The following DYNC2H1 variants were observed in gnomAD, a reference collection of about 807,000 sequenced individuals.
DYNC2H1 encodes the protein dynein cytoplasmic 2 heavy chain 1.
DYNC2H1 carries 410 observed loss-of-function variants against 570.0 expected under a neutral mutation model. The ratio of observed to expected loss-of-function variants is 0.72; its 90% CI spans 0.66 to 0.78. The LOEUF is 0.78. Among genes scored for constraint, DYNC2H1 ranks in the 30% least tolerant of loss-of-function variants. DYNC2H1 has a pLI of 0.00. For missense variants in DYNC2H1, 4,865 were observed against 5,046.4 expected (o/e 0.96, Z 1.09); for synonymous variants, 1,688 against 1,677.6 (o/e 1.01, Z -0.15).
intron 82 of DYNC2H1, among the ~76,000 whole-genome samples, chr11:103,339,236 T>C (rs1939314304): frequency 6.6e-6 from 1 of 152,036 alleles, no homozygotes. Flanking sequence ...TGCAGTCCTG[T>C]GGTCGGCACA....
intron 75 of DYNC2H1, among the ~76,000 whole-genome samples, chr11:103,298,760 A>T (rs1365425877): frequency 6.6e-6 from 1 of 152,080 alleles, no homozygotes; most frequent in Non-Finnish European, 1.5e-5. Context: ...TTTAAATGTA[A>T]TTTCTCAAGC....
rs1224833390 is a variant in DYNC2H1 at position 103,479,491 on chromosome 11, G to C, written c.*238G>C. On this transcript the variant is annotated 3_prime_UTR_variant, in exon 89 of 89. Coordinates refer to ENST00000375735, the MANE Select transcript of DYNC2H1 (RefSeq NM_001377.3). The stretch of plus-strand genomic sequence containing the variant: ...TCTTTTGACAACATTAAATATTTCT[G>C]TGAGAAAGTTCACTTTTCCAGTGGC... The C allele has an allele frequency of 2.8e-6, 1 of 362,496 alleles. No individual in the cohort carries two copies. The highest frequency in any genetic ancestry group is 4.5e-6 in the Non-Finnish European group (1 of 222,048). 22.5% of individuals were successfully genotyped at this position (362,496 alleles called of 1,614,324 possible).
rs368052358 is a variant in DYNC2H1 at position 103,156,503 on chromosome 11, G to T, written c.3860G>T (p.Arg1287Leu). 1.2e-6 allele frequency: 2 copies of T among 1,613,658 alleles called. No homozygotes were observed. The highest frequency in any genetic ancestry group is 1.7e-6 in the Non-Finnish European group (2 of 1,179,732). The change falls in exon 26 of 89, where the codon CGA becomes CTA. Residue 1287 changes from arginine (R) to leucine (L), a missense_variant. Arg to Leu is a moderately radical substitution (Grantham distance 102). Coordinates refer to ENST00000375735, the MANE Select transcript of DYNC2H1 (RefSeq NM_001377.3). Reference sequence around the variant, plus strand: ...ATTGATTATGAAGACAGCCAAAGTCGAACTATGAAGCTGATTAAAGACTGG... The same window carrying T: ...ATTGATTATGAAGACAGCCAAAGTCTAACTATGAAGCTGATTAAAGACTGG... ...TLIDYEDSQS[R>L]TMKLIKDWKD...
At chr11:103,160,897 C>T (rs753276618) in intron 28 of DYNC2H1, 35 bp from the exon 29 acceptor site, 89 of 1,238,242 alleles carry the variant, frequency 7.2e-5, no homozygotes, top group Non-Finnish European at 9.9e-5. Flanking sequence ...TGTCTTTAAT[C>T]CTTTTGCAAT....
At chr11:103,132,649 GGTGTGTGTGT>G (rs5794209) in intron 13 of DYNC2H1, among the ~76,000 whole-genome samples, 3 of 148,510 alleles carry the variant, frequency 2.0e-5, no homozygotes, top group Non-Finnish European at 3.0e-5. Context: ...GAGGGTTGGG[GGTGTGTGTGT>G]GTGTGTGTGT....
At chr11:103,174,256 G>A in intron 36 of DYNC2H1, 86 bp downstream of exon 36, 2 of 1,150,518 alleles carry the variant, frequency 1.7e-6, no homozygotes, top group Non-Finnish European at 2.5e-6. Context: ...CAGAAAAGTT[G>A]TAGATACAAT....
At chr11:103,347,322 C>G (rs1236647217) in intron 82 of DYNC2H1, among the ~76,000 whole-genome samples, 1 of 151,900 alleles carries the variant, frequency 6.6e-6, no homozygotes, top group Non-Finnish European at 1.5e-5. Flanking sequence ...TCAATTAAAA[C>G]AAATTTTGAG....
chr11:103,271,456 AG>A (rs1484778028), intron 70 of DYNC2H1, among the ~76,000 whole-genome samples: 1 of 152,232 alleles, frequency 6.6e-6, no homozygotes, highest in African/African-American at 2.4e-5. Context: ...TCTCTTCACA[AG>A]GTAACATTTC....
At chr11:103,193,724 T>G (rs929778308) in intron 47 of DYNC2H1, among the ~76,000 whole-genome samples, 14 of 151,902 alleles carry the variant, frequency 9.2e-5, no homozygotes, top group Non-Finnish European at 2.1e-4. Flanking sequence ...TGTATTTTTT[T>G]TTTAGTAGAG....
At chr11:103,247,626 A>T (rs1215905943) in intron 65 of DYNC2H1, among the ~76,000 whole-genome samples, 1 of 152,068 alleles carries the variant, frequency 6.6e-6, no homozygotes, top group Non-Finnish European at 1.5e-5. Flanking sequence ...AACAACAAAT[A>T]ATTTCTCAGA....
intron 63 of DYNC2H1, among the ~76,000 whole-genome samples, chr11:103,238,912 A>G (rs1252471047): frequency 1.3e-5 from 2 of 152,170 alleles, no homozygotes; most frequent in Non-Finnish European, 2.9e-5. Context: ...TGCTTGGTCT[A>G]TGGTTTGCAC....
chr11:103,455,403 G>A, intron 86 of DYNC2H1, 108 bp downstream of exon 86: 1 of 825,374 alleles, frequency 1.2e-6, no homozygotes, highest in Non-Finnish European at 2.0e-6. Flanking sequence ...ATTTATTATT[G>A]AAACACAGTT....
At chr11:103,354,267 T>G (rs968478112) in intron 82 of DYNC2H1, among the ~76,000 whole-genome samples, 11 of 151,776 alleles carry the variant, frequency 7.2e-5, no homozygotes, top group Admixed American at 6.6e-5. Flanking sequence ...ACTCTACCCT[T>G]GTTTGCATTC....
Position 103,141,079 on chromosome 11 carries a change from G to A in DYNC2H1, c.2575-2189G>A, listed in dbSNP as rs551310052. Among the ~76,000 whole-genome samples, 32 of 152,114 alleles carry A rather than the reference G, an allele frequency of 2.1e-4. No individual in the cohort carries two copies. In the South Asian group the frequency reaches 6.7e-3, roughly 32 times the overall value. On this transcript the variant is annotated intron_variant, in intron 17 of 88. Coordinates refer to ENST00000375735, the MANE Select transcript of DYNC2H1 (RefSeq NM_001377.3). ...CATCAGCTCCTTTAAGCACTTCTCT[G>A]TACTGGTTATTCTAGTTATACATTC...
intron 70 of DYNC2H1, among the ~76,000 whole-genome samples, chr11:103,260,415 T>C (rs892242218): frequency 6.6e-6 from 1 of 152,188 alleles, no homozygotes; most frequent in Non-Finnish European, 1.5e-5. Context: ...AAAATGTCTG[T>C]GGACATTGTC....
chr11:103,342,311 C>A (rs890570732), intron 82 of DYNC2H1, among the ~76,000 whole-genome samples: 2 of 151,962 alleles, frequency 1.3e-5, no homozygotes, highest in African/African-American at 4.8e-5. Flanking sequence ...AATCAGCACC[C>A]TATAAAATGG....
Position 103,115,192 on chromosome 11 carries a change from G to A in DYNC2H1, c.518G>A (p.Ser173Asn), listed in dbSNP as rs777555139. Residue 173 changes from serine (S) to asparagine (N), a missense_variant, in exon 4 of 89, where the codon AGC becomes AAC. Around this residue, in one of 5 missense-constraint regions of DYNC2H1, gnomAD observed 1,936 missense variants for 1,962.1 expected, o/e 0.99. Coordinates refer to ENST00000375735, the MANE Select transcript of DYNC2H1 (RefSeq NM_001377.3). ...ACTTTTATAGGTATCCTTACACCAA[G>A]CGATGAGTTCCAGTTTTGGATAGAA... ...EDDTRGILTP[S>N]DEFQFWIEQA... 7 of 1,609,320 alleles carry A rather than the reference G, an allele frequency of 4.3e-6. No individual in the cohort carries two copies. The South Asian group carries it at 6.7e-5, about 15-fold the overall frequency.
chr11:103,180,235 A>G (rs1289846116), intron 39 of DYNC2H1, among the ~76,000 whole-genome samples: 1 of 151,646 alleles, frequency 6.6e-6, no homozygotes. Context: ...TTTTAGTTAA[A>G]TTTTAAAGTA....
At chr11:103,179,685 A>G (rs1395672619) in intron 39 of DYNC2H1, among the ~76,000 whole-genome samples, 5 of 151,758 alleles carry the variant, frequency 3.3e-5, no homozygotes, top group Non-Finnish European at 7.4e-5. Context: ...ATTAGGTCCA[A>G]TGACCCAGTC....
Sources: allele counts gnomAD v4.1 joint callset (sites outside exome capture counted in the v4.1 genomes callset), GRCh38; gene constraint gnomAD v4.1.1; regional missense constraint gnomAD v4.1.1; transcripts MANE v1.5; gene names NCBI Gene and HGNC (gene_info 2026-07-23, HGNC 2026-07-21).